Variants in WDR70 observed in about 807,000 individuals in gnomAD.
The protein encoded by WDR70 is WD repeat-containing protein 70.
A neutral mutation model predicts 88.6 loss-of-function variants in WDR70; 53 were observed. The observed-to-expected ratio is 0.60, with a 90% confidence interval of 0.48 to 0.75. WDR70 has a LOEUF of 0.75. Among genes scored for constraint, WDR70 ranks in the 30% least tolerant of loss-of-function variants. The probability of loss-of-function intolerance (pLI) is 0.00; values close to 1 mark genes in which losing one functional copy is unlikely to be tolerated. For synonymous variants in WDR70, 280 were observed against 270.0 expected (o/e 1.04, Z -0.36); for missense variants, 610 against 823.2 (o/e 0.74, Z 3.17).
chr5:37,386,962 G>A (rs939222620), intron 3 of WDR70, among the ~76,000 whole-genome samples: 9 of 152,068 alleles, frequency 5.9e-5, no homozygotes, highest in African/African-American at 1.9e-4. Flanking sequence ...ACCGGGTGTG[G>A]GTGGTGGGCA....
chr5:37,621,846 G>A (rs1459241458), intron 10 of WDR70, among the ~76,000 whole-genome samples: 1 of 152,096 alleles, frequency 6.6e-6, no homozygotes, highest in Non-Finnish European at 1.5e-5. Flanking sequence ...TTCTTCTAGG[G>A]TTTTTATGGT....
At chr5:37,667,326 C>A (rs866144185) in intron 10 of WDR70, among the ~76,000 whole-genome samples, 1 of 152,112 alleles carries the variant, frequency 6.6e-6, no homozygotes, top group South Asian at 2.1e-4. Context: ...TTACACATAC[C>A]CCAGGAGGCT....
chr5:37,410,790 A>G (rs957583260), intron 5 of WDR70, among the ~76,000 whole-genome samples: 2 of 152,200 alleles, frequency 1.3e-5, no homozygotes, highest in African/African-American at 4.8e-5. Flanking sequence ...TAGTTTCTAT[A>G]TGGAAAATGG....
chr5:37,462,397 G>T (rs1226762612), intron 7 of WDR70, among the ~76,000 whole-genome samples: 1 of 152,156 alleles, frequency 6.6e-6, no homozygotes, highest in Non-Finnish European at 1.5e-5. Flanking sequence ...CCACCTCCCG[G>T]ATTCATGCCA....
In WDR70 at chr5:37,404,765, T is replaced by C. The variant is rs540285736; in HGVS notation, c.492+8195T>C. 4.6e-5 allele frequency among the ~76,000 whole-genome samples: 7 copies of C among 152,310 alleles called. 1 individual carries two copies. In the South Asian group the frequency reaches 1.5e-3, roughly 32 times the overall value. ...TTCCTTCTCTAAGTTATTGCTTTTATTATTGAAACTTTATTATTTAGTATC... is the reference window on the plus strand; with the variant it reads ...TTCCTTCTCTAAGTTATTGCTTTTACTATTGAAACTTTATTATTTAGTATC... On this transcript the variant is annotated intron_variant, in intron 5 of 17. Transcript: ENST00000265107.
At chr5:37,544,577 T>A (rs75113218) in intron 9 of WDR70, among the ~76,000 whole-genome samples, 1 of 152,202 alleles carries the variant, frequency 6.6e-6, no homozygotes, top group Non-Finnish European at 1.5e-5. Flanking sequence ...GGAAAGAGTG[T>A]GTACTTTGTA....
intron 9 of WDR70, among the ~76,000 whole-genome samples, chr5:37,581,274 C>G (rs1299555293): frequency 6.6e-6 from 1 of 152,044 alleles, no homozygotes; most frequent in African/African-American, 2.4e-5. Flanking sequence ...TAGACAGTAT[C>G]CTGAACAATA....
intron 9 of WDR70, among the ~76,000 whole-genome samples, chr5:37,563,180 C>T (rs1376627620): frequency 1.7e-5 from 1 of 59,572 alleles, no homozygotes; most frequent in Non-Finnish European, 4.1e-5. Context: ...GGGGGGCTGA[C>T]CCCCCCACCT....
chr5:37,485,875 T>G, intron 8 of WDR70, among the ~76,000 whole-genome samples: 1 of 139,114 alleles, frequency 7.2e-6, no homozygotes, highest in Admixed American at 7.3e-5. Context: ...TTTTTTTTTT[T>G]TTTTTTTTTT....
chr5:37,562,107 C>T (rs1190640827), intron 9 of WDR70, among the ~76,000 whole-genome samples: 1 of 152,194 alleles, frequency 6.6e-6, no homozygotes, highest in African/African-American at 2.4e-5. Context: ...CCTGTTATCT[C>T]AGCACTTTGG....
intron 10 of WDR70, among the ~76,000 whole-genome samples, chr5:37,608,604 A>G (rs1259939109): frequency 6.6e-6 from 1 of 150,456 alleles, no homozygotes; most frequent in African/African-American, 2.5e-5. Context: ...CACTCAGGCT[A>G]GAGTGCAGTG....
chr5:37,409,845 A>C lies in WDR70; in HGVS notation c.492+13275A>C, dbSNP rs1749467594. 2.0e-5 allele frequency among the ~76,000 whole-genome samples: 3 copies of C among 151,712 alleles called. No individual in the cohort carries two copies. The South Asian group carries it at 6.2e-4, about 32-fold the overall frequency. Reference sequence around the variant, plus strand: ...TTTTAAGAGAATGTTTTAGTTATTCACTCTTTCCCGTTATTTTTCACAACT... The same window carrying C: ...TTTTAAGAGAATGTTTTAGTTATTCCCTCTTTCCCGTTATTTTTCACAACT... On this transcript the variant is annotated intron_variant, in intron 5 of 17. Transcript: ENST00000265107.
chr5:37,487,598 TAA>T (rs1435832028), intron 8 of WDR70, among the ~76,000 whole-genome samples: 1,035 of 18,322 alleles, frequency 0.056, 15 homozygotes, highest in African/African-American at 0.08. Context: ...TATGTATATA[TAA>T]ATATATATAT....
At chr5:37,675,852 C>T (rs537405285) in intron 10 of WDR70, among the ~76,000 whole-genome samples, 88 of 152,244 alleles carry the variant, frequency 5.8e-4, no homozygotes, top group Non-Finnish European at 9.6e-4. Context: ...GATATTTATT[C>T]TTCCTACCCA....
intron 3 of WDR70, 61 bp downstream of exon 3, chr5:37,381,746 T>C: frequency 2.0e-6 from 3 of 1,530,158 alleles, no homozygotes; most frequent in Non-Finnish European, 2.7e-6. Flanking sequence ...CTCATGCAAG[T>C]ATATTAAAAA....
chr5:37,671,423 G>A (rs1250374269), intron 10 of WDR70, among the ~76,000 whole-genome samples: 1 of 152,120 alleles, frequency 6.6e-6, no homozygotes, highest in African/African-American at 2.4e-5. Flanking sequence ...GAAGGGCAGG[G>A]GTGGGAGGTT....
intron 9 of WDR70, among the ~76,000 whole-genome samples, chr5:37,584,570 A>T (rs1743312637): frequency 6.6e-6 from 1 of 152,168 alleles, no homozygotes; most frequent in Non-Finnish European, 1.5e-5. Flanking sequence ...TTATCTTTCA[A>T]ATCTGTTTTG....
intron 10 of WDR70, among the ~76,000 whole-genome samples, chr5:37,667,997 G>A (rs186707672): frequency 9.3e-4 from 141 of 152,204 alleles, no homozygotes; most frequent in African/African-American, 3.3e-3. Context: ...AGGCCATGGT[G>A]TGCAAATAAA....
intron 5 of WDR70, among the ~76,000 whole-genome samples, chr5:37,422,609 CT>C (rs1749979676): frequency 1.3e-5 from 2 of 152,102 alleles, no homozygotes; most frequent in Non-Finnish European, 2.9e-5. Flanking sequence ...TCCCGAGTAG[CT>C]GGGATTACAG....
Sources: allele counts gnomAD v4.1 joint callset (sites outside exome capture counted in the v4.1 genomes callset), GRCh38; gene constraint gnomAD v4.1.1; transcripts MANE v1.5; gene names NCBI Gene and HGNC (gene_info 2026-07-23, HGNC 2026-07-21).